STRBP: variants seen among roughly 807,000 people sequenced by gnomAD.
STRBP encodes the protein spermatid perinuclear RNA binding protein.
A neutral mutation model predicts 80.1 loss-of-function variants in STRBP; 13 were observed. The ratio of observed to expected loss-of-function variants is 0.16; its 90% CI spans 0.11 to 0.26. The LOEUF (loss-of-function observed/expected upper bound fraction) is 0.26, where lower values mean the gene tolerates loss of function less well. Among genes scored for constraint, STRBP ranks in the 10% least tolerant of loss-of-function variants. STRBP has a pLI of 1.00. For missense variants in STRBP, 485 were observed against 815.2 expected (o/e 0.59, Z 4.93); for synonymous variants, 284 against 291.2 (o/e 0.98, Z 0.25).
chr9:123,173,247 C>T (rs1404091655), intron 5 of STRBP, among the ~76,000 whole-genome samples: 1 of 152,196 alleles, frequency 6.6e-6, no homozygotes, highest in African/African-American at 2.4e-5. Context: ...GGCAAATTAA[C>T]TGAGTCTTCA....
At position 123,158,529 on chromosome 9, in the gene STRBP, A is replaced by G. The variant is rs74827251; in HGVS notation, c.836-100T>C. 1.1e-5 allele frequency: 5 copies of G among 472,278 alleles called. No homozygotes were observed. The Admixed American group carries it at 2.0e-4, about 19-fold the overall frequency. 29.3% of individuals were successfully genotyped at this position (472,278 alleles called of 1,614,324 possible). ...GGCTGGGGAGAATGAAGAGAAAATG[A>G]AAAAAAAAACTGAGGAACTAAGTTA... On this transcript the variant is annotated intron_variant, in intron 9 of 18. Transcript: ENST00000348403.
Position 123,124,742 on chromosome 9 carries a change from C to A in STRBP, c.*855G>T, listed in dbSNP as rs1290219582. ...TTGATTAATTTATTATTTTTAAAAA[C>A]TTGGAAATTCATAAACTAGGATAAT... On this transcript the variant is annotated 3_prime_UTR_variant, in exon 19 of 19. Coordinates refer to ENST00000348403, the MANE Select transcript of STRBP (RefSeq NM_018387.5). 1 of 985,258 alleles carries A rather than the reference C, an allele frequency of 1.0e-6. No homozygotes were observed. The highest frequency in any genetic ancestry group is 1.7e-5 in the African/African-American group (1 of 57,226). The allele number at this position is 985,258 out of a possible 1,614,324, so 61.0% of individuals were successfully genotyped here.
intron 4 of STRBP, 148 bp from the exon 5 acceptor site, chr9:123,173,990 T>C (rs1193582886): frequency 8.6e-6 from 7 of 818,068 alleles, no homozygotes; most frequent in Non-Finnish European, 1.3e-5. Context: ...AAGCCTCAGA[T>C]TTGAGGCTTA....
chr9:123,160,898 G>T, intron 7 of STRBP, 79 bp downstream of exon 7: 1 of 1,212,206 alleles, frequency 8.2e-7, no homozygotes, highest in Non-Finnish European at 1.2e-6. Flanking sequence ...GTAGTACACA[G>T]AAACCAATTA....
At chr9:123,211,350 T>C (rs1270356279) in intron 2 of STRBP, among the ~76,000 whole-genome samples, 2 of 152,052 alleles carry the variant, frequency 1.3e-5, no homozygotes, top group Admixed American at 6.6e-5. Context: ...TAAGAATCCA[T>C]AAAGATGTGA....
At chr9:123,243,606 A>G in intron 1 of STRBP, among the ~76,000 whole-genome samples, 1 of 152,066 alleles carries the variant, frequency 6.6e-6, no homozygotes, top group Non-Finnish European at 1.5e-5. Flanking sequence ...AAGAACCCTC[A>G]AAACTCAACA....
intron 2 of STRBP, among the ~76,000 whole-genome samples, chr9:123,218,355 CTTTT>C (rs10689260): frequency 0.076 from 7,716 of 101,732 alleles, 296 homozygotes; most frequent in African/African-American, 0.32. Flanking sequence ...TTAAATATGA[CTTTT>C]TTTTTTTTTT....
chr9:123,200,145 G>C (rs1035436663), intron 2 of STRBP, among the ~76,000 whole-genome samples: 3 of 152,080 alleles, frequency 2.0e-5, no homozygotes, highest in African/African-American at 4.8e-5. Flanking sequence ...TATGGCTTTT[G>C]TTTTTAATTG....
At chr9:123,268,046 T>C (rs1319141514) in intron 1 of STRBP, among the ~76,000 whole-genome samples, 8 of 75,452 alleles carry the variant, frequency 1.1e-4, no homozygotes, top group Admixed American at 4.3e-4. Flanking sequence ...CCCCAGCTCC[T>C]GCCCCCAATG....
chr9:123,187,025 T>C (rs918256437), intron 2 of STRBP, among the ~76,000 whole-genome samples: 1 of 152,076 alleles, frequency 6.6e-6, no homozygotes, highest in Non-Finnish European at 1.5e-5. Context: ...ATAACATGTA[T>C]GTAGCTCAGA....
At chr9:123,117,172 C>T (rs1216141675), downstream of STRBP, among the ~76,000 whole-genome samples, 1 of 152,174 alleles carries the variant, frequency 6.6e-6, no homozygotes, top group African/African-American at 2.4e-5. Flanking sequence ...GCCAGGCGCT[C>T]ATTCTCCCTG....
At chr9:123,250,173 C>A (rs936967171) in intron 1 of STRBP, among the ~76,000 whole-genome samples, 2 of 152,164 alleles carry the variant, frequency 1.3e-5, no homozygotes, top group Non-Finnish European at 2.9e-5. Flanking sequence ...TAAAATATTT[C>A]TCCCTTTTCC....
intron 11 of STRBP, among the ~76,000 whole-genome samples, chr9:123,157,695 G>A (rs191284840): frequency 3.3e-5 from 5 of 152,180 alleles, no homozygotes; most frequent in Admixed American, 3.3e-4. Flanking sequence ...GCAGAGTGAA[G>A]TTGGGGAAAA....
intron 1 of STRBP, among the ~76,000 whole-genome samples, chr9:123,245,546 A>G (rs1199807665): frequency 6.6e-6 from 1 of 152,066 alleles, no homozygotes; most frequent in Non-Finnish European, 1.5e-5. Flanking sequence ...ACACCCAGCT[A>G]ATGTTTTTGT....
intron 16 of STRBP, among the ~76,000 whole-genome samples, chr9:123,134,253 CA>C (rs774208500): frequency 1.4e-4 from 21 of 152,306 alleles, no homozygotes; most frequent in Non-Finnish European, 7.4e-5. Flanking sequence ...GAAAGTGGTG[CA>C]AAGCCTCAAA....
At chr9:123,133,492 G>A (rs1402408447) in intron 16 of STRBP, among the ~76,000 whole-genome samples, 4 of 152,074 alleles carry the variant, frequency 2.6e-5, no homozygotes, top group Admixed American at 6.6e-5. Context: ...CTTGGAGCCC[G>A]ATTCCTCTGC....
intron 13 of STRBP, among the ~76,000 whole-genome samples, chr9:123,143,142 GAT>G (rs775070394): frequency 6.6e-6 from 1 of 152,198 alleles, no homozygotes; most frequent in Non-Finnish European, 1.5e-5. Context: ...GATTTCATCA[GAT>G]TCTCAGGAAA....
intron 1 of STRBP, among the ~76,000 whole-genome samples, chr9:123,265,996 T>C (rs530923872): frequency 2.6e-5 from 4 of 152,334 alleles, no homozygotes; most frequent in African/African-American, 7.2e-5. Context: ...CCATGCTGCC[T>C]GAATACTGAC....
In STRBP at chr9:123,125,020, A is replaced by C; in HGVS notation, c.*577T>G. On this transcript the variant is annotated 3_prime_UTR_variant, in exon 19 of 19. Transcript: ENST00000348403. ...AATTTGATACCAAAACATATCAAAA[A>C]TAATAAGCTAAAACAATATTCAAAC... 4 of 985,518 alleles carry C rather than the reference A, an allele frequency of 4.1e-6. No individual in the cohort carries two copies. The highest frequency in any genetic ancestry group is 4.8e-6 in the Non-Finnish European group (4 of 829,572). 61.0% of individuals were successfully genotyped at this position (985,518 alleles called of 1,614,324 possible). A position where few individuals can be genotyped will look rare whatever the true frequency, so the allele number is the denominator to read the frequency against.
Sources: allele counts gnomAD v4.1 joint callset (sites outside exome capture counted in the v4.1 genomes callset), GRCh38; gene constraint gnomAD v4.1.1; transcripts MANE v1.5; gene names NCBI Gene and HGNC (gene_info 2026-07-23, HGNC 2026-07-21).